KRCC1: variants seen among roughly 807,000 people sequenced by gnomAD.
KRCC1 encodes the protein lysine rich coiled-coil 1.
A neutral mutation model predicts 7.4 loss-of-function variants in KRCC1; 3 were observed. The ratio of observed to expected loss-of-function variants is 0.40; its 90% confidence interval spans 0.18 to 1.04. The LOEUF (loss-of-function observed/expected upper bound fraction) is 1.04, where lower values mean the gene tolerates loss of function less well. Ranked by LOEUF, KRCC1 falls within the 50% of genes least tolerant of loss-of-function variation. The pLI, the probability that KRCC1 is intolerant of heterozygous loss-of-function variation, is 0.33. For synonymous variants in KRCC1, 102 were observed against 101.6 expected (o/e 1.00, Z -0.02); for missense variants, 277 against 300.9 (o/e 0.92, Z 0.59).
chr2:88,044,680 C>T (rs1231185290), intron 1 of KRCC1, among the ~76,000 whole-genome samples: 1 of 151,962 alleles, frequency 6.6e-6, no homozygotes, highest in East Asian at 1.9e-4. Context: ...TGAAAAGAGC[C>T]ATGCTGTCTA....
At chr2:88,053,352 G>A (rs1673539288) in intron 1 of KRCC1, among the ~76,000 whole-genome samples, 2 of 152,052 alleles carry the variant, frequency 1.3e-5, no homozygotes, top group African/African-American at 4.8e-5. Context: ...ATCTTTTAAA[G>A]TCTTTTGCAC....
chr2:88,038,016 C>G (rs777591417), intron 1 of KRCC1, among the ~76,000 whole-genome samples: 1 of 152,122 alleles, frequency 6.6e-6, no homozygotes, highest in Non-Finnish European at 1.5e-5. Context: ...ACTTTCTACA[C>G]GGCAGTTTAA....
intron 1 of KRCC1, among the ~76,000 whole-genome samples, chr2:88,049,639 G>C (rs1332677328): frequency 6.6e-6 from 1 of 152,126 alleles, no homozygotes; most frequent in Non-Finnish European, 1.5e-5. Flanking sequence ...ATCGGAGTGA[G>C]ACCCTGTCTC....
At chr2:88,041,649 G>C (rs1451242057) in intron 1 of KRCC1, among the ~76,000 whole-genome samples, 1 of 152,174 alleles carries the variant, frequency 6.6e-6, no homozygotes, top group Non-Finnish European at 1.5e-5. Flanking sequence ...AGGAAAGAAA[G>C]CTCGGTAGTG....
At chr2:88,041,349 CAGA>C (rs140666669) in intron 1 of KRCC1, among the ~76,000 whole-genome samples, 2,373 of 152,188 alleles carry the variant, frequency 0.016, 66 homozygotes, top group African/African-American at 0.054. Flanking sequence ...TGTTATCCCC[CAGA>C]AGGAGAGAAG....
chr2:88,042,425 CCT>C (rs1330698531), intron 1 of KRCC1, among the ~76,000 whole-genome samples: 1 of 150,738 alleles, frequency 6.6e-6, no homozygotes, highest in Non-Finnish European at 1.5e-5. Context: ...CCCCACCCCA[CCT>C]CTCTCTTTCT....
chr2:88,041,844 T>G (rs912082992), intron 1 of KRCC1, among the ~76,000 whole-genome samples: 2 of 152,216 alleles, frequency 1.3e-5, no homozygotes, highest in African/African-American at 4.8e-5. Context: ...GGACATTATT[T>G]TCATCCTTAC....
intron 2 of KRCC1, among the ~76,000 whole-genome samples, chr2:88,035,180 T>A (rs1291947860): frequency 3.3e-5 from 5 of 152,238 alleles, no homozygotes; most frequent in Non-Finnish European, 7.3e-5. Context: ...TTAGAATTAC[T>A]TCTAACACAA....
intron 1 of KRCC1, among the ~76,000 whole-genome samples, chr2:88,047,321 G>A (rs1240652120): frequency 2.0e-5 from 3 of 152,046 alleles, no homozygotes; most frequent in Non-Finnish European, 4.4e-5. Context: ...GGGCTCAAGC[G>A]ATCCTCCTGC....
At position 88,028,117 on chromosome 2, in the gene KRCC1, A is replaced by G. The variant is rs746592563; in HGVS notation, c.447T>C (p.His149=). 2 of 1,613,886 alleles carry G rather than the reference A, an allele frequency of 1.2e-6. No individual in the cohort carries two copies. Among genetic ancestry groups the G allele is most frequent in the Admixed American group, 1.7e-5 (1 of 59,988 alleles). ...HFSSDNSTST[H]QASHKQIHQK... ...GATGTATCTGTTTGTGACTGGCTTG[A>G]TGAGTACTGGTACTGTTATCTGAGG... Residue 149 remains histidine (H), a synonymous_variant, in exon 4 of 4, where the codon CAT becomes CAC. Transcript: ENST00000347055.
chr2:88,039,699 A>G (rs892374228), intron 1 of KRCC1, among the ~76,000 whole-genome samples: 1 of 151,642 alleles, frequency 6.6e-6, no homozygotes. Flanking sequence ...AAATATATAT[A>G]TATTATATAT....
Position 88,027,952 on chromosome 2 carries a change from T to C in KRCC1, c.612A>G (p.Ile204Met). ...TTTCTGTACTGACATGTACGGTTTC[T>C]ATTTCCACCTCTGTTTTCTTTCTTT... Reference protein sequence around the residue: ...SIQRKKTEVEIETVHVSTEKL... With the variant: ...SIQRKKTEVEMETVHVSTEKL... Residue 204 changes from isoleucine (I) to methionine (M), a missense_variant, in exon 4 of 4, where the codon ATA becomes ATG. Physicochemically the swap from Ile to Met is conservative, Grantham distance 10. Transcript: ENST00000347055. The C allele has an allele frequency of 6.2e-7, 1 of 1,613,810 alleles. No homozygotes were observed. The highest frequency in any genetic ancestry group is 1.1e-5 in the South Asian group (1 of 91,004).
At position 88,052,609 on chromosome 2, in the gene KRCC1, T is replaced by A. The variant is rs114621189; in HGVS notation, c.-291+3017A>T. On this transcript the variant is annotated intron_variant, in intron 1 of 3. Transcript: ENST00000347055. ...TGAATAGTGAGTGACCCATTATAGT[T>A]TTTGATCTATCTCATCAAAAGACTT... is the stretch of plus-strand genomic sequence containing the variant. Among the ~76,000 whole-genome samples, 529 of 152,304 alleles carry A rather than the reference T, an allele frequency of 3.5e-3. 6 individuals are homozygous for A. The highest frequency in any genetic ancestry group is 0.012 in the African/African-American group (486 of 41,564).
chr2:88,040,487 T>TTA (rs1396586621), intron 1 of KRCC1, among the ~76,000 whole-genome samples: 2 of 152,234 alleles, frequency 1.3e-5, no homozygotes, highest in African/African-American at 4.8e-5. Flanking sequence ...GAGATGAACC[T>TTA]TATCGAATGC....
chr2:88,055,143 C>T (rs1319748806), intron 1 of KRCC1, among the ~76,000 whole-genome samples: 2 of 151,450 alleles, frequency 1.3e-5, no homozygotes, highest in Non-Finnish European at 2.9e-5. Context: ...CCCGCTACTT[C>T]CTGCTTTCCC....
At chr2:88,052,154 A>C (rs1037586700) in intron 1 of KRCC1, among the ~76,000 whole-genome samples, 3 of 152,246 alleles carry the variant, frequency 2.0e-5, no homozygotes, top group Non-Finnish European at 4.4e-5. Context: ...AACTGCCCAT[A>C]ATCTATTCCT....
intron 2 of KRCC1, among the ~76,000 whole-genome samples, chr2:88,036,727 G>T (rs1673098644): frequency 6.6e-6 from 1 of 152,112 alleles, no homozygotes; most frequent in South Asian, 2.1e-4. Flanking sequence ...AAGACAGAAT[G>T]GAGAAAGGAA....
chr2:88,052,590 G>A (rs1673517367), intron 1 of KRCC1, among the ~76,000 whole-genome samples: 1 of 151,984 alleles, frequency 6.6e-6, no homozygotes, highest in Non-Finnish European at 1.5e-5. Flanking sequence ...TAAGTGAATA[G>A]TGAGTGACCC....
chr2:88,053,698 C>A (rs975369328), intron 1 of KRCC1, among the ~76,000 whole-genome samples: 7 of 152,270 alleles, frequency 4.6e-5, no homozygotes, highest in Non-Finnish European at 1.0e-4. Flanking sequence ...AAGAAATCTG[C>A]AGTATTTTAC....
Sources: allele counts gnomAD v4.1 joint callset (sites outside exome capture counted in the v4.1 genomes callset), GRCh38; gene constraint gnomAD v4.1.1; transcripts MANE v1.5; gene names NCBI Gene and HGNC (gene_info 2026-07-23, HGNC 2026-07-21).